Variants in RMC1 observed in about 807,000 individuals in gnomAD.
RMC1 encodes the protein regulator of MON1-CCZ1 complex.
RMC1 carries 44 observed loss-of-function variants against 95.5 expected under a neutral mutation model. The ratio of observed to expected loss-of-function variants is 0.46; its 90% CI spans 0.36 to 0.59. RMC1 has a LOEUF of 0.59. Among genes scored for constraint, RMC1 ranks in the 20% least tolerant of loss-of-function variants. The pLI is 0.00. For missense variants in RMC1, 705 were observed against 819.6 expected, an observed-to-expected ratio of 0.86 and a Z score of 1.71; for synonymous variants, 320 against 303.6, an observed-to-expected ratio of 1.05 and a Z score of -0.56.
Position 23,503,612 on chromosome 18 carries a change from G to A in RMC1, c.-7G>A. On this transcript the variant is annotated 5_prime_UTR_variant, in exon 1 of 20. Coordinates refer to ENST00000269221, the MANE Select transcript of RMC1 (RefSeq NM_013326.5). ...CCGGGGCCCCCGCCGCGGGCGCGGC[G>A]CCCGCCATGGGCGAGGAGGACTACT... 1.3e-6 allele frequency: 2 copies of A among 1,545,736 alleles called. No homozygotes were observed. Among genetic ancestry groups the A allele is most frequent in the East Asian group, 2.7e-5 (1 of 37,228 alleles).
intron 14 of RMC1, chr18:23,528,161 C>T (rs2058363303): frequency 5.7e-6 from 2 of 349,780 alleles, no homozygotes; most frequent in Non-Finnish European, 1.0e-5. Flanking sequence ...TTTGATCTTG[C>T]CTGTAGATCC....
rs775735974 is a variant in RMC1 at position 23,504,363 on chromosome 18, C to T, written c.103-8C>T. 2.5e-6 allele frequency: 4 copies of T among 1,613,746 alleles called. No homozygotes were observed. In the African/African-American group the frequency reaches 5.3e-5, roughly 22 times the overall value. Reference sequence around the variant, plus strand: ...CAGGCTGTTAACCTTGCTGCTTTTCCCTCTCAGGTTTTTGCTGTTCGATCT... The same window carrying T: ...CAGGCTGTTAACCTTGCTGCTTTTCTCTCTCAGGTTTTTGCTGTTCGATCT... On this transcript the variant is annotated splice_polypyrimidine_tract_variant and splice_region_variant and intron_variant, in intron 1 of 19. Transcript: ENST00000269221.
At chr18:23,520,377 G>T in intron 10 of RMC1, 64 bp downstream of exon 10, 2 of 1,318,626 alleles carry the variant, frequency 1.5e-6, no homozygotes, top group Non-Finnish European at 2.2e-6. Context: ...TTCTCACCAT[G>T]ATCTTTGGGA....
chr18:23,520,320 C>G lies in RMC1; in HGVS notation c.961+7C>G. 6.2e-7 allele frequency: 1 copy of G among 1,605,668 alleles called. No individual in the cohort carries two copies. The highest frequency in any genetic ancestry group is 8.5e-7 in the Non-Finnish European group (1 of 1,172,558). ...TATCAGATCCCCATCACAGGTAACA[C>G]GGGTTCTGTAGAGGAGTCTGTGCTG... On this transcript the variant is annotated splice_region_variant and intron_variant, in intron 10 of 19. Transcript: ENST00000269221.
In RMC1 at chr18:23,514,991, G is replaced by A. The variant is rs2057962029; in HGVS notation, c.409-865G>A. ...GGATTATAAAGTACTGCATTTGTAT[G>A]GAGTCTTATGAACACATCTGCTAGA... On this transcript the variant is annotated intron_variant, in intron 5 of 19. Transcript: ENST00000269221. Among the ~76,000 whole-genome samples the A allele has an allele frequency of 2.0e-5, 3 of 152,184 alleles. No individual in the cohort carries two copies. In the South Asian group the frequency reaches 6.2e-4, roughly 32 times the overall value.
intron 19 of RMC1, among the ~76,000 whole-genome samples, 177 bp downstream of exon 19, chr18:23,530,789 A>G (rs1484233847): frequency 6.6e-6 from 1 of 152,156 alleles, no homozygotes; most frequent in Non-Finnish European, 1.5e-5. Context: ...ATACTGACAG[A>G]ATCTGAATTA....
chr18:23,505,987 T>C (rs932259294), intron 2 of RMC1, among the ~76,000 whole-genome samples: 17 of 151,866 alleles, frequency 1.1e-4, no homozygotes, highest in Admixed American at 9.8e-4. Flanking sequence ...GCCAGCATGG[T>C]GAAACCCTGT....
At chr18:23,524,941 C>CTTTTT (rs5823396) in intron 12 of RMC1, among the ~76,000 whole-genome samples, 77 of 69,188 alleles carry the variant, frequency 1.1e-3, no homozygotes, top group South Asian at 1.9e-3. Context: ...TTAGAGAAAT[C>CTTTTT]TTTTTTTTTT....
At position 23,530,265 on chromosome 18, in the gene RMC1, CCTG is replaced by C; in HGVS notation, c.1639_1641del (p.Ala547del). The C allele has an allele frequency of 6.2e-7, 1 of 1,614,194 alleles. No homozygotes were observed. The highest frequency in any genetic ancestry group is 8.5e-7 in the Non-Finnish European group (1 of 1,180,038). The stretch of plus-strand genomic sequence containing the variant: ...GTTATCCCTAGAGAGTTTCTATCCT[CCTG>C]CTCATCAGCTATCTCTGGACATGCT... On this transcript the variant is annotated inframe_deletion, in exon 18 of 20. Transcript: ENST00000269221.
chr18:23,510,261 GT>G (rs2057817582), intron 5 of RMC1, among the ~76,000 whole-genome samples: 1 of 151,562 alleles, frequency 6.6e-6, no homozygotes, highest in Non-Finnish European at 1.5e-5. Flanking sequence ...GAGGCAGGAG[GT>G]TGCAGTGAGC....
Position 23,529,846 on chromosome 18 carries a change from CATT to C in RMC1, c.1494+139_1494+141del, listed in dbSNP as rs1217243788. 4.7e-6 allele frequency: 5 copies of C among 1,069,078 alleles called. No homozygotes were observed. The East Asian group carries it at 7.1e-5, about 15-fold the overall frequency. 66.2% of individuals were successfully genotyped at this position (1,069,078 alleles called of 1,614,324 possible). A position where few individuals can be genotyped will look rare whatever the true frequency, so the allele number is the denominator to read the frequency against. ...ACTCAGAATGCTGAGTGACTCCTGA[CATT>C]ATTAGTTGGAATGGGAAGTGTAAGG... On this transcript the variant is annotated intron_variant, in intron 16 of 19. Coordinates refer to ENST00000269221, the MANE Select transcript of RMC1 (RefSeq NM_013326.5).
intron 1 of RMC1, 81 bp downstream of exon 1, chr18:23,503,801 C>T (rs2057650464): frequency 3.4e-6 from 4 of 1,184,012 alleles, no homozygotes; most frequent in Non-Finnish European, 3.4e-6. Flanking sequence ...CGCGACCAGG[C>T]CCGAGCGTCC....
At position 23,527,880 on chromosome 18, in the gene RMC1, T is replaced by C; in HGVS notation, c.1275T>C (p.Asp425=). The change falls in exon 14 of 20, where the codon GAT becomes GAC. Residue 425 remains aspartate, a synonymous_variant. Coordinates refer to ENST00000269221, the MANE Select transcript of RMC1 (RefSeq NM_013326.5). ...ACCATGAGTATAAAAAGTACCTGGA[T>C]GCCGAGCAGAGTTATGCGATGGTGA... ...KLNHEYKKYL[D]AEQSYAMAVE... 3.1e-6 allele frequency: 5 copies of C among 1,614,092 alleles called. No homozygotes were observed. The highest frequency in any genetic ancestry group is 4.2e-6 in the Non-Finnish European group (5 of 1,179,990).
chr18:23,516,499 G>C (rs2058008735), intron 7 of RMC1, 76 bp downstream of exon 7: 6 of 1,472,332 alleles, frequency 4.1e-6, no homozygotes, highest in Non-Finnish European at 5.7e-6. Flanking sequence ...TGTGTTACAA[G>C]CACCACGTGA....
rs961885577 is a variant in RMC1 at position 23,528,083 on chromosome 18, C to T, written c.1296+182C>T. 11 of 539,108 alleles carry T rather than the reference C, an allele frequency of 2.0e-5. No individual in the cohort carries two copies. The East Asian group carries it at 3.5e-4, about 17-fold the overall frequency. 33.4% of individuals were successfully genotyped at this position (539,108 alleles called of 1,614,324 possible). A position where few individuals can be genotyped will look rare whatever the true frequency, so the allele number is the denominator to read the frequency against. On this transcript the variant is annotated intron_variant, in intron 14 of 19. Coordinates refer to ENST00000269221, the MANE Select transcript of RMC1 (RefSeq NM_013326.5). Reference sequence around the variant, plus strand: ...TGGAGGAGTAGTAAATTCAGGGTCCCTGCATCCCACGAGCTGGCGGCTGCA... The same window carrying T: ...TGGAGGAGTAGTAAATTCAGGGTCCTTGCATCCCACGAGCTGGCGGCTGCA...
rs1283551451 is a variant in RMC1 at position 23,530,407 on chromosome 18, T to C, written c.1689T>C (p.Asp563=). Residue 563 remains aspartate, a synonymous_variant, in exon 19 of 20, where the codon GAT becomes GAC. Transcript: ENST00000269221. ...DMLKRLSTAN[D]EIVEVLLSKH... Reference sequence around the variant, plus strand: ...GCTAGCGACTTTCAACAGCAAATGATGAAATAGTAGAAGTTCTCCTTTCCA... The same window carrying C: ...GCTAGCGACTTTCAACAGCAAATGACGAAATAGTAGAAGTTCTCCTTTCCA... 6.2e-7 allele frequency: 1 copy of C among 1,614,240 alleles called. No homozygotes were observed. Among genetic ancestry groups the C allele is most frequent in the African/African-American group, 1.3e-5 (1 of 75,064 alleles).
At position 23,530,995 on chromosome 18, in the gene RMC1, CA is replaced by C. The variant is rs370752245; in HGVS notation, c.1894+384del. On this transcript the variant is annotated intron_variant, in intron 19 of 19. Transcript: ENST00000269221. ...TTTTATGAAGTATACATTGGTTGAT[CA>C]TTCTCATTTTTTTTTTGAGACAGAG... Among the ~76,000 whole-genome samples the C allele has an allele frequency of 4.4e-4, 67 of 151,992 alleles. 1 individual carries two copies. Among genetic ancestry groups the C allele is most frequent in the East Asian group, 3.5e-3 (18 of 5,176 alleles).
At chr18:23,516,516 G>A in intron 7 of RMC1, 93 bp downstream of exon 7, 1 of 1,309,344 alleles carries the variant, frequency 7.6e-7, no homozygotes, top group Non-Finnish European at 1.1e-6. Context: ...GTGATGCCCT[G>A]ACCCCTAGAA....
At position 23,531,559 on chromosome 18, in the gene RMC1, G is replaced by A. The variant is rs563396990; in HGVS notation, c.1895-66G>A. 4.7e-5 allele frequency: 75 copies of A among 1,584,828 alleles called. No individual in the cohort carries two copies. In the African/African-American group the frequency reaches 8.6e-4, roughly 18 times the overall value. On this transcript the variant is annotated intron_variant, in intron 19 of 19. Transcript: ENST00000269221. Reference sequence around the variant, plus strand: ...GTTAAAACCCAGTAGACACACCTACGAGATGCTTTCTTTGTCCCTCATTTC... The same window carrying A: ...GTTAAAACCCAGTAGACACACCTACAAGATGCTTTCTTTGTCCCTCATTTC...
Sources: gnomAD v4.1 joint callset for allele counts (sites outside exome capture counted in the v4.1 genomes callset) on GRCh38, gnomAD v4.1.1 for gene constraint, MANE v1.5 for transcripts, NCBI Gene and HGNC (gene_info 2026-07-23, HGNC 2026-07-21) for gene names.